Variants in SYN3 observed in about 807,000 individuals in gnomAD.
The protein encoded by SYN3 is synapsin III.
Under a neutral mutation model 65.8 loss-of-function variants are expected in SYN3, and 35 were observed. The ratio of observed to expected loss-of-function variants is 0.53; its 90% CI spans 0.41 to 0.70. The LOEUF is 0.70. Among genes scored for constraint, SYN3 ranks in the 30% least tolerant of loss-of-function variants. The pLI is 0.00. For missense variants in SYN3, 680 were observed against 749.0 expected (o/e 0.91, Z 1.08); for synonymous variants, 270 against 292.9 (o/e 0.92, Z 0.80).
At position 32,556,345 on chromosome 22, in the gene SYN3, T is replaced by C. The variant is rs147452242; in HGVS notation, c.775-14632A>G. Among the ~76,000 whole-genome samples the C allele has an allele frequency of 2.0e-5, 3 of 152,244 alleles. No homozygotes were observed. The East Asian group carries it at 5.8e-4, about 29-fold the overall frequency. On this transcript the variant is annotated intron_variant, in intron 7 of 13. Transcript: ENST00000358763. ...CAGATTGGACACCATTACCCTCATT[T>C]CCTCTCCCACGTGATTTTCACATGG...
At chr22:32,718,747 T>A (rs1308547258) in intron 6 of SYN3, among the ~76,000 whole-genome samples, 1 of 151,578 alleles carries the variant, frequency 6.6e-6, no homozygotes, top group African/African-American at 2.4e-5. Context: ...TAGACACAAA[T>A]GAAGACAGGA....
Position 32,688,462 on chromosome 22 carries a change from C to A in SYN3, c.712-91726G>T, listed in dbSNP as rs920877303. ...TCTGGGGGAAAGAGAAATATTTTTCCCTTTGTTAGCTGGCTCTGGGCAGCC... is the reference window on the plus strand; with the variant it reads ...TCTGGGGGAAAGAGAAATATTTTTCACTTTGTTAGCTGGCTCTGGGCAGCC... On this transcript the variant is annotated intron_variant, in intron 6 of 13. Coordinates refer to ENST00000358763, the MANE Select transcript of SYN3 (RefSeq NM_003490.4). Among the ~76,000 whole-genome samples the A allele has an allele frequency of 4.6e-5, 7 of 152,128 alleles. No homozygotes were observed. In the East Asian group the frequency reaches 1.2e-3, roughly 25 times the overall value.
intron 7 of SYN3, among the ~76,000 whole-genome samples, chr22:32,590,314 G>T (rs1039820510): frequency 6.6e-6 from 1 of 152,092 alleles, no homozygotes; most frequent in Non-Finnish European, 1.5e-5. Context: ...GCAATCTTTT[G>T]TTTCTGACTT....
At chr22:33,015,908 C>T (rs5998694) in intron 1 of SYN3, among the ~76,000 whole-genome samples, 30,445 of 149,970 alleles carry the variant, frequency 0.2, 3,172 homozygotes, top group Non-Finnish European at 0.21. Context: ...ATGGCACCAT[C>T]TCGGCTCACT....
chr22:32,965,713 T>C (rs1310530778), intron 3 of SYN3, among the ~76,000 whole-genome samples: 1 of 152,160 alleles, frequency 6.6e-6, no homozygotes, highest in Admixed American at 6.5e-5. Flanking sequence ...GTTGTTGTTT[T>C]ATGATGGAGT....
intron 7 of SYN3, chr22:32,583,881 G>A (rs1206581172): frequency 2.0e-5 from 3 of 152,242 alleles, no homozygotes; most frequent in South Asian, 2.1e-4. Flanking sequence ...CTATAGCTAC[G>A]ATCAGTGACC....
intron 6 of SYN3, among the ~76,000 whole-genome samples, chr22:32,823,915 T>A (rs2047328542): frequency 6.6e-6 from 1 of 152,112 alleles, no homozygotes; most frequent in Non-Finnish European, 1.5e-5. Flanking sequence ...CACCTATATG[T>A]CTAAGGGTCA....
Position 32,777,691 on chromosome 22 carries a change from A to G in SYN3, c.711+87224T>C, listed in dbSNP as rs1569216238. Reference sequence around the variant, plus strand: ...GAGAGGCAAGAAAATAAATAATAGCAGCATTTCTGAAACTCACATATTAGC... The same window carrying G: ...GAGAGGCAAGAAAATAAATAATAGCGGCATTTCTGAAACTCACATATTAGC... On this transcript the variant is annotated intron_variant, in intron 6 of 13. Transcript: ENST00000358763. Among the ~76,000 whole-genome samples, 4 of 152,194 alleles carry G rather than the reference A, an allele frequency of 2.6e-5. No homozygotes were observed. The South Asian group carries it at 8.3e-4, about 32-fold the overall frequency.
At chr22:32,589,801 C>T (rs906261603) in intron 7 of SYN3, among the ~76,000 whole-genome samples, 2 of 152,090 alleles carry the variant, frequency 1.3e-5, no homozygotes, top group African/African-American at 4.8e-5. Context: ...GGGTATATGC[C>T]TCATCCATCC....
intron 3 of SYN3, among the ~76,000 whole-genome samples, chr22:32,971,151 G>A (rs937067027): frequency 2.6e-5 from 4 of 152,184 alleles, no homozygotes; most frequent in Non-Finnish European, 5.9e-5. Flanking sequence ...TCCATTTTCT[G>A]TAGAGTTCTT....
intron 6 of SYN3, among the ~76,000 whole-genome samples, chr22:32,660,554 G>A (rs942601980): frequency 1.5e-4 from 23 of 152,324 alleles, no homozygotes; most frequent in Non-Finnish European, 2.2e-4. Context: ...AAGTTCTGGG[G>A]TTAAGGGGCT....
chr22:32,633,223 A>T (rs1383059234), intron 6 of SYN3, among the ~76,000 whole-genome samples: 1 of 152,216 alleles, frequency 6.6e-6, no homozygotes, highest in African/African-American at 2.4e-5. Context: ...AATACTTCAT[A>T]TTCATTTTCT....
chr22:32,898,050 C>T (rs998511051), intron 4 of SYN3, among the ~76,000 whole-genome samples: 5 of 152,224 alleles, frequency 3.3e-5, no homozygotes, highest in African/African-American at 1.2e-4. Context: ...GGCTGGAGTG[C>T]AATGGTGCAA....
At chr22:32,556,601 G>A (rs1444986027) in intron 7 of SYN3, among the ~76,000 whole-genome samples, 1 of 152,036 alleles carries the variant, frequency 6.6e-6, no homozygotes, top group Non-Finnish European at 1.5e-5. Context: ...TTTGGGAACT[G>A]GAGCCCTAAT....
rs113333839 is a variant in SYN3 at position 32,954,842 on chromosome 22, GT to G, written c.370-23362del. ...CTGGTACAGTTATATTTCTGTAAATGTTTTTTTTTTTTTCCAAATGGAAAAC... is the reference window on the plus strand; with the variant it reads ...CTGGTACAGTTATATTTCTGTAAATGTTTTTTTTTTTTCCAAATGGAAAAC... On this transcript the variant is annotated intron_variant, in intron 3 of 13. Transcript: ENST00000358763. 1.6e-3 allele frequency among the ~76,000 whole-genome samples: 227 copies of G among 140,670 alleles called. No individual in the cohort carries two copies. In the South Asian group the frequency reaches 0.02, roughly 13 times the overall value. The allele number at this position is 140,670 out of a possible 152,430, so 92.3% of individuals were successfully genotyped here.
At chr22:32,893,088 T>A (rs1017942781) in intron 4 of SYN3, among the ~76,000 whole-genome samples, 1 of 152,154 alleles carries the variant, frequency 6.6e-6, no homozygotes, top group African/African-American at 2.4e-5. Context: ...ATAGAAAGAA[T>A]CTGAATCAGG....
chr22:32,934,350 A>G (rs118117769), intron 3 of SYN3, among the ~76,000 whole-genome samples: 5,563 of 152,180 alleles, frequency 0.037, 143 homozygotes, highest in Non-Finnish European at 0.051. Flanking sequence ...ACCTGGAGAG[A>G]AGTCACACTC....
At chr22:32,741,663 C>T (rs191383743) in intron 6 of SYN3, among the ~76,000 whole-genome samples, 4 of 152,066 alleles carry the variant, frequency 2.6e-5, no homozygotes, top group East Asian at 3.9e-4. Context: ...CCTCTAAAGC[C>T]CAATTCTTAA....
intron 6 of SYN3, among the ~76,000 whole-genome samples, chr22:32,605,125 C>G (rs2059354048): frequency 6.6e-6 from 1 of 151,848 alleles, no homozygotes; most frequent in Non-Finnish European, 1.5e-5. Flanking sequence ...CACTGCGTCT[C>G]TAGACTCTCC....
Sources: allele counts gnomAD v4.1 joint callset (sites outside exome capture counted in the v4.1 genomes callset), GRCh38; gene constraint gnomAD v4.1.1; transcripts MANE v1.5; gene names NCBI Gene and HGNC (gene_info 2026-07-23, HGNC 2026-07-21).